The following DOP1B variants were observed in gnomAD, a reference collection of about 807,000 sequenced individuals.
DOP1B encodes the protein DOP1 leucine zipper like protein B.
DOP1B carries 174 observed loss-of-function variants against 233.5 expected under a neutral mutation model. The observed-to-expected ratio is 0.75, with a 90% confidence interval of 0.66 to 0.85. The LOEUF (loss-of-function observed/expected upper bound fraction) is 0.85. DOP1B is among the 40% of genes least tolerant of loss of function. DOP1B has a pLI of 0.00. For synonymous variants in DOP1B, 1,190 were observed against 1,185.6 expected (o/e 1.00, Z -0.08); for missense variants, 2,652 against 2,846.6 (o/e 0.93, Z 1.56).
At chr21:36,162,183 T>C (rs533661271) in intron 1 of DOP1B, among the ~76,000 whole-genome samples, 1 of 152,328 alleles carries the variant, frequency 6.6e-6, no homozygotes, top group East Asian at 1.9e-4. Flanking sequence ...CCAGGCTCCC[T>C]TGGGTCTCTT....
At chr21:36,208,607 A>C in intron 4 of DOP1B, 108 bp from the exon 5 acceptor site, 1 of 1,232,486 alleles carries the variant, frequency 8.1e-7, no homozygotes, top group East Asian at 2.8e-5. Flanking sequence ...GGGCTTCCCC[A>C]GCCAGGCGAA....
In DOP1B at chr21:36,231,042, C is replaced by T; in HGVS notation, c.2258C>T (p.Ala753Val). The stretch of plus-strand genomic sequence containing the variant: ...GAACGCAGGGAGGCCTTTGCCGCCG[C>T]CTGCCACCTGCTGCTGGATTGTGCC... ...REERREAFAA[A>V]CHLLLDCATF... The change falls in exon 14 of 37, where the codon GCC (alanine) becomes GTC (valine). Residue 753 changes from alanine (A) to valine (V), a missense_variant. Ala to Val is a moderately conservative substitution (Grantham distance 64). Coordinates refer to ENST00000691173, the MANE Select transcript of DOP1B (RefSeq NM_001320714.2). The T allele has an allele frequency of 6.2e-7, 1 of 1,614,094 alleles. No individual in the cohort carries two copies.
chr21:36,190,075 T>G (rs1420142679), intron 2 of DOP1B, among the ~76,000 whole-genome samples: 1 of 151,332 alleles, frequency 6.6e-6, no homozygotes, highest in Non-Finnish European at 1.5e-5. Context: ...CCCAGCACTT[T>G]GGGAGGCTGA....
At chr21:36,171,540 A>G (rs944582261) in intron 2 of DOP1B, among the ~76,000 whole-genome samples, 6 of 152,160 alleles carry the variant, frequency 3.9e-5, no homozygotes, top group African/African-American at 1.4e-4. Flanking sequence ...GGGGAAATGT[A>G]GACACAGACA....
At position 36,212,046 on chromosome 21, in the gene DOP1B, C is replaced by T; in HGVS notation, c.853C>T (p.Leu285=). The T allele has an allele frequency of 6.2e-7, 1 of 1,613,922 alleles. No homozygotes were observed. Among genetic ancestry groups the T allele is most frequent in the Non-Finnish European group, 8.5e-7 (1 of 1,179,976 alleles). Residue 285 remains leucine, a synonymous_variant, in exon 7 of 37, where the codon CTA becomes TTA. Coordinates refer to ENST00000691173, the MANE Select transcript of DOP1B (RefSeq NM_001320714.2). Reference sequence around the variant, plus strand: ...CATTCTCTCAGCCGCCACCCAGACCCTACTGAGAAGGGACATGTCCCTGAA... The same window carrying T: ...CATTCTCTCAGCCGCCACCCAGACCTTACTGAGAAGGGACATGTCCCTGAA... ...VRILSAATQT[L]LRRDMSLNRR...
intron 2 of DOP1B, among the ~76,000 whole-genome samples, chr21:36,176,820 C>T (rs1381727717): frequency 1.3e-5 from 2 of 152,016 alleles, no homozygotes; most frequent in Non-Finnish European, 2.9e-5. Flanking sequence ...CCTCCCCTCC[C>T]CTTTCTTTTC....
chr21:36,196,276 G>C (rs2066288932), intron 2 of DOP1B, among the ~76,000 whole-genome samples: 1 of 152,228 alleles, frequency 6.6e-6, no homozygotes, highest in Non-Finnish European at 1.5e-5. Context: ...AATCCATGGA[G>C]AAAGCTTGTT....
intron 23 of DOP1B, among the ~76,000 whole-genome samples, chr21:36,260,390 T>C (rs1487735690): frequency 6.6e-6 from 1 of 152,106 alleles, no homozygotes; most frequent in African/African-American, 2.4e-5. Flanking sequence ...TCGGTTACAG[T>C]GCCAATTTTC....
At position 36,293,429 on chromosome 21, in the gene DOP1B, G is replaced by A; in HGVS notation, c.6755G>A (p.Gly2252Asp). The change falls in exon 37 of 37, where the codon GGT (glycine) becomes GAT (aspartate). Residue 2252 changes from glycine (G) to aspartate (D), a missense_variant. Transcript: ENST00000691173. Reference protein sequence around the residue: ...QLMPFFMTLNGAFKTQRQLPA... With the variant: ...QLMPFFMTLNDAFKTQRQLPA... The stretch of plus-strand genomic sequence containing the variant: ...ATGCCATTCTTCATGACTCTAAATG[G>A]TGCATTTAAGACCCAGAGACAGCTG... The A allele has an allele frequency of 1.2e-6, 2 of 1,614,132 alleles. No individual in the cohort carries two copies. Among genetic ancestry groups the A allele is most frequent in the Non-Finnish European group, 1.7e-6 (2 of 1,180,028 alleles).
At chr21:36,218,547 T>C (rs1450083279) in intron 9 of DOP1B, among the ~76,000 whole-genome samples, 3 of 151,894 alleles carry the variant, frequency 2.0e-5, no homozygotes, top group African/African-American at 7.3e-5. Context: ...ATAAATTCTA[T>C]CTTAAAAAAA....
In DOP1B at chr21:36,181,575, G is replaced by A. The variant is rs565235972; in HGVS notation, c.138+16704G>A. The stretch of plus-strand genomic sequence containing the variant: ...ATTACAGGCATGAGCCACCACGCCC[G>A]GCCCAGGACTCTTGTCTTCTTGAAC... On this transcript the variant is annotated intron_variant, in intron 2 of 36. Transcript: ENST00000691173. 6.6e-5 allele frequency among the ~76,000 whole-genome samples: 10 copies of A among 152,238 alleles called. No homozygotes were observed. In the East Asian group the frequency reaches 9.7e-4, roughly 15 times the overall value.
At chr21:36,164,089 C>T (rs746361279) in intron 1 of DOP1B, among the ~76,000 whole-genome samples, 1 of 152,130 alleles carries the variant, frequency 6.6e-6, no homozygotes, top group Non-Finnish European at 1.5e-5. Context: ...ACAGTGTTAC[C>T]ATGAACAAAA....
chr21:36,246,869 TTA>T lies in DOP1B; in HGVS notation c.4697+194_4697+195del, dbSNP rs1174686365. ...TTATGTTATGTTATGTTATGTTATG[TTA>T]TGTTATGTTATGTTATGTTATGTTA... On this transcript the variant is annotated intron_variant, in intron 19 of 36. Coordinates refer to ENST00000691173, the MANE Select transcript of DOP1B (RefSeq NM_001320714.2). This position sits in a 1 kb window ranked among gnomAD's most constrained non-coding sequence, Gnocchi z 5.1. Among the ~76,000 whole-genome samples, 5 of 149,458 alleles carry T rather than the reference TTA, an allele frequency of 3.3e-5. No homozygotes were observed. The highest frequency in any genetic ancestry group is 1.3e-4 in the African/African-American group (5 of 39,292).
intron 1 of DOP1B, among the ~76,000 whole-genome samples, chr21:36,161,096 C>CA (rs892983355): frequency 6.6e-6 from 1 of 151,514 alleles, no homozygotes; most frequent in Non-Finnish European, 1.5e-5. Context: ...GGAGAAGGAG[C>CA]ATGTTGAGCA....
intron 17 of DOP1B, 110 bp downstream of exon 17, chr21:36,238,811 G>A (rs2066856892): frequency 9.7e-7 from 1 of 1,028,250 alleles, no homozygotes; most frequent in African/African-American, 1.6e-5. Context: ...TTGAAAACAT[G>A]AACCCATATG....
chr21:36,254,947 CTTTTT>C (rs35630827), intron 23 of DOP1B, among the ~76,000 whole-genome samples: 1 of 127,670 alleles, frequency 7.8e-6, no homozygotes. Context: ...ATTTGTGTAA[CTTTTT>C]TTTTTTTTTT....
chr21:36,259,110 C>G (rs1054317422), intron 23 of DOP1B, among the ~76,000 whole-genome samples: 1 of 151,606 alleles, frequency 6.6e-6, no homozygotes, highest in African/African-American at 2.4e-5. Flanking sequence ...GGACTACAGT[C>G]GCCCGCCACC....
At chr21:36,180,697 A>G (rs2066088056) in intron 2 of DOP1B, among the ~76,000 whole-genome samples, 2 of 152,164 alleles carry the variant, frequency 1.3e-5, no homozygotes, top group South Asian at 4.1e-4. Flanking sequence ...CCTGGCCAAC[A>G]TGGCAAAACC....
At chr21:36,282,820 A>G (rs2067433390) in intron 32 of DOP1B, among the ~76,000 whole-genome samples, 1 of 151,970 alleles carries the variant, frequency 6.6e-6, no homozygotes, top group African/African-American at 2.4e-5. Flanking sequence ...TACTAAAAAT[A>G]CAAAAATAAG....
Sources: gnomAD v4.1 joint callset for allele counts (sites outside exome capture counted in the v4.1 genomes callset) on GRCh38, gnomAD v4.1.1 for gene constraint, Gnocchi (gnomAD v3.1) non-coding constraint, MANE v1.5 for transcripts, NCBI Gene and HGNC (gene_info 2026-07-23, HGNC 2026-07-21) for gene names.